TAF7L: variants seen among roughly 807,000 people sequenced by gnomAD.
The protein encoded by TAF7L is transcription initiation factor TFIID subunit 7-like.
TAF7L carries 6 observed loss-of-function variants against 30.2 expected under a neutral mutation model. The ratio of observed to expected loss-of-function variants is 0.20; its 90% CI spans 0.11 to 0.39. TAF7L has a LOEUF of 0.39. Among genes scored for constraint, TAF7L ranks in the 10% least tolerant of loss-of-function variants. The pLI, the probability that TAF7L is intolerant of heterozygous loss-of-function variation, is 1.00. For missense variants in TAF7L, 284 were observed against 277.1 expected (o/e 1.03, Z -0.18); for synonymous variants, 93 against 94.5 (o/e 0.98, Z 0.09).
chrX:101,273,937 TTATTC>T (rs1394293462), intron 12 of TAF7L, among the ~76,000 whole-genome samples: 7 of 112,139 alleles, frequency 6.2e-5, no homozygotes, highest in African/African-American at 2.3e-4. Context: ...TCAAGACCCT[TTATTC>T]TAATAGCACC....
At chrX:101,292,090 T>C (rs183218031), upstream of TAF7L, among the ~76,000 whole-genome samples, 281 of 102,714 alleles carry the variant, frequency 2.7e-3, 2 homozygotes, top group African/African-American at 9.5e-3. Flanking sequence ...ATACAAAAAA[T>C]TAGCCGGGCG....
At chrX:101,292,265 T>TAA (rs766457568), upstream of TAF7L, among the ~76,000 whole-genome samples, 9 of 85,644 alleles carry the variant, frequency 1.1e-4, no homozygotes, top group African/African-American at 3.6e-4. Context: ...ATAAAAAAAA[T>TAA]AAATAAAAAT....
intron 12 of TAF7L, among the ~76,000 whole-genome samples, chrX:101,274,458 C>T (rs972042405): frequency 9.0e-6 from 1 of 111,296 alleles, no homozygotes; most frequent in African/African-American, 3.3e-5. Context: ...CCTCTCGCGT[C>T]GGCCTCCCAA....
At chrX:101,271,064 T>C (rs1438157121) in intron 12 of TAF7L, among the ~76,000 whole-genome samples, 1 of 111,487 alleles carries the variant, frequency 9.0e-6, no homozygotes, top group South Asian at 3.8e-4. Flanking sequence ...TTTAAGTCCC[T>C]ACCCCTCTTG....
chrX:101,284,213 T>C (rs1216473214), intron 3 of TAF7L, among the ~76,000 whole-genome samples: 5 of 111,836 alleles, frequency 4.5e-5, no homozygotes, highest in African/African-American at 1.6e-4. Flanking sequence ...ACTCTAAAAA[T>C]AGAGAGATTG....
chrX:101,281,313 A>G (rs753894403), intron 6 of TAF7L, among the ~76,000 whole-genome samples: 12 of 112,305 alleles, frequency 1.1e-4, no homozygotes, highest in African/African-American at 3.9e-4. Flanking sequence ...ATTTTAAACA[A>G]AAGAAGAAGC....
Position 101,272,591 on chromosome X carries a change from G to T in TAF7L, c.1086+2631C>A, listed in dbSNP as rs868444516. Among the ~76,000 whole-genome samples the T allele has an allele frequency of 7.5e-4, 84 of 111,760 alleles. No individual in the cohort carries two copies. In the Middle Eastern group the frequency reaches 0.014, roughly 19 times the overall value. On this transcript the variant is annotated intron_variant, in intron 12 of 12. Transcript: ENST00000356784. ...AACTAGAATAGGCAGTAGATTAGTAGAAACTAGATGAGTGGTTGCCTAGTG... is the reference window on the plus strand; with the variant it reads ...AACTAGAATAGGCAGTAGATTAGTATAAACTAGATGAGTGGTTGCCTAGTG...
chrX:101,292,256 T>TAAA (rs1217209786), upstream of TAF7L, among the ~76,000 whole-genome samples: 4 of 14,105 alleles, frequency 2.8e-4, no homozygotes, highest in Admixed American at 8.7e-4. Flanking sequence ...AAAAAATAAA[T>TAAA]AAAAAAAATA....
chrX:101,292,331 T>A (rs1489378563), upstream of TAF7L, among the ~76,000 whole-genome samples: 3 of 100,861 alleles, frequency 3.0e-5, no homozygotes, highest in African/African-American at 1.1e-4. Context: ...CTCAGCTACT[T>A]GGGCAGCTGA....
At chrX:101,293,034 G>A (rs112829363), upstream of TAF7L, 41 of 1,209,236 alleles carry the variant, frequency 3.4e-5, no homozygotes, top group Admixed American at 2.2e-4. Flanking sequence ...GCTGTCCCTC[G>A]GGGCACTCCA....
chrX:101,283,741 A>G (rs1052725207), intron 3 of TAF7L, among the ~76,000 whole-genome samples, 158 bp from the exon 4 acceptor site: 3 of 112,150 alleles, frequency 2.7e-5, no homozygotes, highest in Non-Finnish European at 5.6e-5. Context: ...ATAGCTTCCT[A>G]AAGAAAAGAA....
intron 3 of TAF7L, among the ~76,000 whole-genome samples, chrX:101,286,137 C>T (rs768838828): frequency 7.3e-4 from 76 of 104,256 alleles, no homozygotes; most frequent in African/African-American, 2.5e-3. Context: ...ACCAAGATTG[C>T]GCCACTGCAC....
chrX:101,283,372 G>T, intron 4 of TAF7L, 78 bp downstream of exon 4: 1 of 1,068,160 alleles, frequency 9.4e-7, no homozygotes, highest in Non-Finnish European at 1.3e-6. Context: ...GTGGAAAGGA[G>T]TACTGAAAGA....
chrX:101,277,451 C>CAAAAAAAAAAAAAAAAA (rs368056727), intron 9 of TAF7L, among the ~76,000 whole-genome samples, 155 bp downstream of exon 9: 8 of 40,413 alleles, frequency 2.0e-4, no homozygotes, highest in African/African-American at 7.0e-4. Flanking sequence ...GACTCCATCT[C>CAAAAAAAAAAAAAAAAA]AAAAAAAAAA....
At chrX:101,278,506 A>G (rs1407354694) in intron 7 of TAF7L, among the ~76,000 whole-genome samples, 1 of 112,153 alleles carries the variant, frequency 8.9e-6, no homozygotes, top group Non-Finnish European at 1.9e-5. Context: ...TTAAAGATCC[A>G]AATTCCCAGA....
At position 101,283,465 on chromosome X, in the gene TAF7L, T is replaced by G. The variant is rs749731619; in HGVS notation, c.264A>C (p.Thr88=). 8.3e-7 allele frequency: 1 copy of G among 1,211,552 alleles called. No homozygotes were observed. The highest frequency in any genetic ancestry group is 1.1e-6 in the Non-Finnish European group (1 of 895,260). Reference sequence around the variant, plus strand: ...TAGTCCATACCTGAGAAATGTCTGCTGTTTTATAAAAGGTTTTTTTATCAA... The same window carrying G: ...TAGTCCATACCTGAGAAATGTCTGCGGTTTTATAAAAGGTTTTTTTATCAA... The part of the protein sequence containing the change: ...RTLDKKTFYK[T]ADISQMLVCT... Residue 88 remains threonine (T), a synonymous_variant, in exon 4 of 13, where the codon ACA becomes ACC. Transcript: ENST00000356784.
Position 101,276,108 on chromosome X carries a change from C to T in TAF7L, c.918G>A (p.Met306Ile). The change falls in exon 11 of 13, where the codon ATG becomes ATA. Residue 306 changes from methionine (M) to isoleucine (I), a missense_variant. Met to Ile is a conservative substitution (Grantham distance 10). Coordinates refer to ENST00000356784, the MANE Select transcript of TAF7L (RefSeq NM_001168474.2). ...TTTTCTCAATCTGCTTCTGAATTTCCATGACTAATAGAGAAACATAGAACT... is the reference window on the plus strand; with the variant it reads ...TTTTCTCAATCTGCTTCTGAATTTCTATGACTAATAGAGAAACATAGAACT... ...RANEGTSSIV[M>I]EIQKQIEKKE... 8.4e-7 allele frequency: 1 copy of T among 1,189,983 alleles called. No homozygotes were observed. The highest frequency in any genetic ancestry group is 1.9e-5 in the South Asian group (1 of 53,899).
rs1451119740 is a variant in TAF7L at position 101,269,105 on chromosome X, A to G, written c.*88T>C. ...AATATAACTGATTCAACATAAGGCA[A>G]CTGAAGGGACAAAAACGTGCACAGT... is the stretch of plus-strand genomic sequence containing the variant. On this transcript the variant is annotated 3_prime_UTR_variant, in exon 13 of 13. Transcript: ENST00000356784. The G allele has an allele frequency of 9.5e-6, 8 of 837,769 alleles. No individual in the cohort carries two copies. The highest frequency in any genetic ancestry group is 1.4e-5 in the Non-Finnish European group (8 of 569,603). The allele number at this position is 837,769 out of a possible 1,213,427, so 69.0% of individuals were successfully genotyped here.
chrX:101,276,696 C>T (rs767885409), intron 9 of TAF7L, among the ~76,000 whole-genome samples, 168 bp from the exon 10 acceptor site: 1 of 111,382 alleles, frequency 9.0e-6, no homozygotes, highest in Non-Finnish European at 1.9e-5. Context: ...ACAGCAAATG[C>T]AAAACACTGT....
Sources: allele counts gnomAD v4.1 joint callset (sites outside exome capture counted in the v4.1 genomes callset), GRCh38; gene constraint gnomAD v4.1.1; transcripts MANE v1.5; gene names NCBI Gene and HGNC (gene_info 2026-07-23, HGNC 2026-07-21).